The following VTI1A variants were observed in gnomAD, a reference collection of about 807,000 sequenced individuals.
VTI1A encodes vesicle transport through interaction with t-SNAREs 1A, also known as vesicle transport through interaction with t-SNAREs homolog 1A.
Under a neutral mutation model 34.9 loss-of-function variants are expected in VTI1A, and 22 were observed. The observed-to-expected ratio is 0.63, with a 90% CI of 0.45 to 0.90. VTI1A has a LOEUF of 0.90. Ranked by LOEUF, VTI1A falls within the 40% of genes least tolerant of loss-of-function variation. The pLI, the probability that VTI1A is intolerant of heterozygous loss-of-function variation, is 0.00. For missense variants in VTI1A, 268 were observed against 275.6 expected (o/e 0.97, Z 0.20); for synonymous variants, 87 against 97.3 (o/e 0.89, Z 0.62).
At chr10:112,838,795 G>A in the VTI1A span, among the ~76,000 whole-genome samples, 2 of 152,322 alleles carry the variant, frequency 1.3e-5, no homozygotes, top group East Asian at 3.9e-4. Flanking sequence ...GTCAGATCTG[G>A]GTGAAATCCC....
chr10:112,533,466 A>G (rs1850514908), intron 4 of VTI1A: 1 of 953,242 alleles, frequency 1.0e-6, no homozygotes, highest in East Asian at 7.4e-5. Context: ...CCTGTCAGAC[A>G]ACTGATCTTT....
chr10:112,500,672 T>C (rs1203074689), intron 3 of VTI1A, among the ~76,000 whole-genome samples: 1 of 152,172 alleles, frequency 6.6e-6, no homozygotes, highest in African/African-American at 2.4e-5. Flanking sequence ...CCTGTAGGCA[T>C]CTGAGTTTGC....
chr10:112,528,869 C>CT (rs1262288155), intron 4 of VTI1A, among the ~76,000 whole-genome samples: 1 of 151,772 alleles, frequency 6.6e-6, no homozygotes, highest in African/African-American at 2.4e-5. Context: ...ATAGGGATCC[C>CT]TTTTTTTTCA....
intron 7 of VTI1A, among the ~76,000 whole-genome samples, chr10:112,808,821 C>T (rs1303057699): frequency 6.6e-6 from 1 of 152,150 alleles, no homozygotes; most frequent in Non-Finnish European, 1.5e-5. Flanking sequence ...CTGCATTCCT[C>T]TGGTGTCGGC....
intron 3 of VTI1A, among the ~76,000 whole-genome samples, chr10:112,467,455 G>A (rs1847934008): frequency 6.6e-6 from 1 of 152,084 alleles, no homozygotes; most frequent in South Asian, 2.1e-4. Context: ...ACTGATGATA[G>A]CTGATGAGCT....
At chr10:112,700,298 CCTGCT>C (rs1848966911) in intron 7 of VTI1A, among the ~76,000 whole-genome samples, 1 of 152,076 alleles carries the variant, frequency 6.6e-6, no homozygotes, top group Non-Finnish European at 1.5e-5. Flanking sequence ...CAGTGTTTTT[CCTGCT>C]ATGTCACAAG....
At chr10:112,711,720 T>G (rs998593852) in intron 7 of VTI1A, among the ~76,000 whole-genome samples, 1 of 152,074 alleles carries the variant, frequency 6.6e-6, no homozygotes, top group Non-Finnish European at 1.5e-5. Context: ...TGCTTTGGAG[T>G]CATTTATTTT....
At chr10:112,672,085 C>T (rs1399845231) in intron 7 of VTI1A, 1 of 151,992 alleles carries the variant, frequency 6.6e-6, no homozygotes, top group Non-Finnish European at 1.5e-5. Flanking sequence ...TCCAGTTAGT[C>T]CTTGCTGGTC....
At chr10:112,702,708 C>G (rs1174284829) in intron 7 of VTI1A, among the ~76,000 whole-genome samples, 1 of 152,234 alleles carries the variant, frequency 6.6e-6, no homozygotes, top group Non-Finnish European at 1.5e-5. Flanking sequence ...GCCTCAGCCT[C>G]TGAAGTAGCT....
intron 7 of VTI1A, among the ~76,000 whole-genome samples, chr10:112,678,303 C>G (rs1848099317): frequency 6.6e-6 from 1 of 152,070 alleles, no homozygotes; most frequent in Non-Finnish European, 1.5e-5. Flanking sequence ...CCGTCAATGC[C>G]TTCTTTGAAC....
At chr10:112,596,928 T>G (rs539132337) in intron 5 of VTI1A, among the ~76,000 whole-genome samples, 1 of 152,368 alleles carries the variant, frequency 6.6e-6, no homozygotes, top group South Asian at 2.1e-4. Flanking sequence ...CTTGAAGTAT[T>G]GACATGTGAA....
At chr10:112,747,321 C>A (rs1407954177) in intron 7 of VTI1A, among the ~76,000 whole-genome samples, 1 of 152,294 alleles carries the variant, frequency 6.6e-6, no homozygotes, top group East Asian at 1.9e-4. Context: ...TCTGAGAGTT[C>A]ATCGTTGTGC....
At chr10:112,828,567 G>A in the VTI1A span, among the ~76,000 whole-genome samples, 5 of 151,770 alleles carry the variant, frequency 3.3e-5, no homozygotes, top group Non-Finnish European at 7.4e-5. Flanking sequence ...CACCACGCCC[G>A]GCTAATTTTT....
intron 7 of VTI1A, among the ~76,000 whole-genome samples, chr10:112,747,453 C>T (rs151222197): frequency 1.0e-3 from 157 of 152,206 alleles, no homozygotes; most frequent in African/African-American, 3.5e-3. Context: ...GTCCTGAATA[C>T]GATAGGCAGT....
intron 3 of VTI1A, among the ~76,000 whole-genome samples, chr10:112,487,672 C>G (rs1848690936): frequency 6.6e-6 from 1 of 152,156 alleles, no homozygotes; most frequent in Non-Finnish European, 1.5e-5. Context: ...ATTCTCTCCT[C>G]CTGCTTGTAA....
At chr10:112,561,825 T>C (rs1851733529) in intron 5 of VTI1A, among the ~76,000 whole-genome samples, 1 of 152,136 alleles carries the variant, frequency 6.6e-6, no homozygotes, top group South Asian at 2.1e-4. Context: ...TGGAAGAATA[T>C]TGCAAACTAA....
At chr10:112,608,545 C>G (rs1441247312) in intron 5 of VTI1A, among the ~76,000 whole-genome samples, 1 of 152,088 alleles carries the variant, frequency 6.6e-6, no homozygotes, top group Non-Finnish European at 1.5e-5. Flanking sequence ...GCAAATATAT[C>G]TAATCACTGG....
intron 7 of VTI1A, among the ~76,000 whole-genome samples, chr10:112,804,734 TC>T (rs1853006419): frequency 6.6e-6 from 1 of 152,154 alleles, no homozygotes; most frequent in Non-Finnish European, 1.5e-5. Context: ...ACTCTGTGTT[TC>T]CTTTGTTCTT....
intron 5 of VTI1A, among the ~76,000 whole-genome samples, chr10:112,631,742 C>T (rs1423934727): frequency 6.6e-6 from 1 of 152,084 alleles, no homozygotes; most frequent in Non-Finnish European, 1.5e-5. Flanking sequence ...ATGTGAGTTC[C>T]GCAGGAAGCT....
Sources: allele counts gnomAD v4.1 joint callset (sites outside exome capture counted in the v4.1 genomes callset), GRCh38; gene constraint gnomAD v4.1.1; transcripts MANE v1.5; gene names NCBI Gene and HGNC (gene_info 2026-07-23, HGNC 2026-07-21).